RASA3: variants seen among roughly 807,000 people sequenced by gnomAD.
RASA3 encodes the protein RAS p21 protein activator 3.
RASA3 carries 73 observed loss-of-function variants against 110.0 expected under a neutral mutation model. The observed-to-expected ratio is 0.66, with a 90% CI of 0.55 to 0.81. The LOEUF is 0.81. RASA3 is among the 30% of genes least tolerant of loss of function. RASA3 has a pLI of 0.00. For missense variants in RASA3, 976 were observed against 1,113.2 expected (o/e 0.88, Z 1.75); for synonymous variants, 500 against 451.4 (o/e 1.11, Z -1.37).
intron 1 of RASA3, among the ~76,000 whole-genome samples, chr13:114,121,728 G>C (rs548611737): frequency 1.3e-5 from 2 of 152,250 alleles, no homozygotes; most frequent in Non-Finnish European, 2.9e-5. Flanking sequence ...GGCCAGACCA[G>C]TCCCTGAGTG....
intron 2 of RASA3, among the ~76,000 whole-genome samples, chr13:114,072,280 C>G (rs1186123102): frequency 6.6e-6 from 1 of 152,230 alleles, no homozygotes; most frequent in South Asian, 2.1e-4. Flanking sequence ...GGCCACTTAG[C>G]TGGAGCTTTT....
At chr13:114,091,922 G>A (rs2079894329) in intron 1 of RASA3, among the ~76,000 whole-genome samples, 2 of 152,024 alleles carry the variant, frequency 1.3e-5, no homozygotes, top group South Asian at 2.1e-4. Flanking sequence ...ATGTGTCCAG[G>A]AATTTATAAA....
In RASA3 at chr13:114,096,351, A is replaced by G. The variant is rs1056377520; in HGVS notation, c.56-22514T>C. Among the ~76,000 whole-genome samples, 1 of 152,180 alleles carries G rather than the reference A, an allele frequency of 6.6e-6. No homozygotes were observed. The highest frequency in any genetic ancestry group is 1.5e-5 in the Non-Finnish European group (1 of 68,026). On this transcript the variant is annotated intron_variant, in intron 1 of 23. Transcript: ENST00000334062. The surrounding 1 kb of genome is among the most constrained non-coding windows in gnomAD (Gnocchi z 5.1). ...AATCGCCTCTCTCACAGTCACCTCA[A>G]CAGCATCTCAGCCGTTGTCCGACAC...
intron 1 of RASA3, among the ~76,000 whole-genome samples, chr13:114,075,974 G>A (rs1285452623): frequency 6.8e-6 from 1 of 147,998 alleles, no homozygotes; most frequent in East Asian, 2.0e-4. Context: ...TGGAGGCGCC[G>A]GCAGGACGAA....
chr13:114,108,471 C>A (rs1388590909), intron 1 of RASA3, among the ~76,000 whole-genome samples: 2 of 124,916 alleles, frequency 1.6e-5, no homozygotes, highest in Non-Finnish European at 3.4e-5. Context: ...CCGTCCATCA[C>A]CCCACGTCCA....
At chr13:114,031,517 C>A (rs373749658) in intron 4 of RASA3, among the ~76,000 whole-genome samples, 1 of 137,664 alleles carries the variant, frequency 7.3e-6, no homozygotes, top group Admixed American at 7.4e-5. Context: ...CCTGTCTGTG[C>A]GCGTGGCTGT....
chr13:114,043,819 G>GC (rs1403834753), intron 3 of RASA3, among the ~76,000 whole-genome samples: 1 of 142,514 alleles, frequency 7.0e-6, no homozygotes, highest in Non-Finnish European at 1.5e-5. Context: ...CCTCCGCCTG[G>GC]CCCACCTCAC....
At chr13:113,994,878 G>C (rs1265106999) in intron 21 of RASA3, among the ~76,000 whole-genome samples, 1 of 152,224 alleles carries the variant, frequency 6.6e-6, no homozygotes, top group Admixed American at 6.5e-5. Context: ...GGAGGCTGAG[G>C]TGGGAGGATG....
At position 113,983,980 on chromosome 13, in the gene RASA3, GA is replaced by G. The variant is rs542725957; in HGVS notation, c.2246-2123del. 1.0e-3 allele frequency among the ~76,000 whole-genome samples: 101 copies of G among 99,816 alleles called. 5 individuals are homozygous for G. Among genetic ancestry groups the G allele is most frequent in the African/African-American group, 3.0e-3 (97 of 32,046 alleles). 65.5% of individuals were successfully genotyped at this position (99,816 alleles called of 152,430 possible). On this transcript the variant is annotated intron_variant, in intron 22 of 23. Transcript: ENST00000334062. ...TAAAAAATAAAACTGGCAATAACTA[GA>G]AAAAAAATCGCAATAAGGAATCTGT...
chr13:114,040,879 G>T, intron 4 of RASA3, 121 bp downstream of exon 4: 1 of 908,334 alleles, frequency 1.1e-6, no homozygotes, highest in Non-Finnish European at 1.7e-6. Context: ...TCTGCTCATC[G>T]TTATTCCCAG....
chr13:114,049,272 C>G (rs1190660556), intron 3 of RASA3, among the ~76,000 whole-genome samples: 1 of 152,128 alleles, frequency 6.6e-6, no homozygotes, highest in Non-Finnish European at 1.5e-5. Context: ...CCTGGTGTTT[C>G]ATGCCCGGTA....
At chr13:113,993,777 C>T (rs1305158130) in intron 21 of RASA3, among the ~76,000 whole-genome samples, 6 of 134,366 alleles carry the variant, frequency 4.5e-5, no homozygotes, top group Non-Finnish European at 3.1e-5. Flanking sequence ...CACTGCACTT[C>T]AGCCTGGGCA....
chr13:113,979,237 G>C lies in RASA3; in HGVS notation c.*110C>G. 4 of 1,072,460 alleles carry C rather than the reference G, an allele frequency of 3.7e-6. No homozygotes were observed. The South Asian group carries it at 5.2e-5, about 14-fold the overall frequency. 66.4% of individuals were successfully genotyped at this position (1,072,460 alleles called of 1,614,324 possible). A position where few individuals can be genotyped will look rare whatever the true frequency, so the allele number is the denominator to read the frequency against. On this transcript the variant is annotated 3_prime_UTR_variant, in exon 24 of 24. Transcript: ENST00000334062. ...GCGCCACTTGTCTATGGGCCGGGAC[G>C]GCGTGCATCTCACTTTGCCGGCTCT...
intron 17 of RASA3, among the ~76,000 whole-genome samples, chr13:114,009,059 G>A (rs1422046716): frequency 2.0e-5 from 3 of 152,194 alleles, no homozygotes; most frequent in East Asian, 1.9e-4. Flanking sequence ...AGGGCTCCAC[G>A]ACTGCAGCCT....
intron 18 of RASA3, among the ~76,000 whole-genome samples, chr13:114,004,368 CA>C (rs1566465674): frequency 1.3e-5 from 2 of 150,700 alleles, no homozygotes; most frequent in African/African-American, 4.9e-5. Context: ...AACAACTTAA[CA>C]AAAAAAATAA....
chr13:114,115,862 C>A lies in RASA3; in HGVS notation c.55+16573G>T, dbSNP rs563741696. On this transcript the variant is annotated intron_variant, in intron 1 of 23. Transcript: ENST00000334062. This position sits in a 1 kb window ranked among gnomAD's most constrained non-coding sequence, Gnocchi z 5.0. ...AGCTGTATTTAAATGTGAGATTATTCTTCTTGGTTAATATTTTACTTTCTG... is the reference window on the plus strand; with the variant it reads ...AGCTGTATTTAAATGTGAGATTATTATTCTTGGTTAATATTTTACTTTCTG... 1.6e-4 allele frequency among the ~76,000 whole-genome samples: 25 copies of A among 152,330 alleles called. No homozygotes were observed. Among genetic ancestry groups the A allele is most frequent in the African/African-American group, 4.8e-4 (20 of 41,568 alleles).
At chr13:113,995,574 C>T (rs1041469699) in intron 21 of RASA3, among the ~76,000 whole-genome samples, 19 of 152,344 alleles carry the variant, frequency 1.2e-4, no homozygotes, top group Admixed American at 9.1e-4. Context: ...TGACCCAAGC[C>T]TCTGTGCAAC....
At chr13:114,107,138 G>T (rs558067687) in intron 1 of RASA3, among the ~76,000 whole-genome samples, 3 of 151,192 alleles carry the variant, frequency 2.0e-5, no homozygotes, top group African/African-American at 7.3e-5. Context: ...CAGCGTTCAG[G>T]CTCCAGCCTT....
chr13:114,009,439 G>A lies in RASA3; in HGVS notation c.1616C>T (p.Ala539Val), dbSNP rs2053585202. The A allele has an allele frequency of 3.7e-6, 6 of 1,612,050 alleles. No homozygotes were observed. Among genetic ancestry groups the A allele is most frequent in the South Asian group, 3.3e-5 (3 of 91,068 alleles). Residue 539 changes from alanine to valine, a missense_variant, in exon 17 of 24, where the codon GCT becomes GTT. Transcript: ENST00000334062. ...CTCATTGAAGAATTCATAAAATGTA[G>A]CCATGTAGGACTCCTTAAAACTCGC... is the stretch of plus-strand genomic sequence containing the variant. ...KSASFKESYMATFYEFFNEQK... is the reference protein window; with the variant it reads ...KSASFKESYMVTFYEFFNEQK...
Sources: allele counts gnomAD v4.1 joint callset (sites outside exome capture counted in the v4.1 genomes callset), GRCh38; gene constraint gnomAD v4.1.1; non-coding constraint Gnocchi (gnomAD v3.1); transcripts MANE v1.5; gene names NCBI Gene and HGNC (gene_info 2026-07-23, HGNC 2026-07-21).